The following SLC30A10 variants were observed in gnomAD, a reference collection of about 807,000 sequenced individuals.
SLC30A10 encodes solute carrier family 30 member 10, also known as calcium/manganese antiporter SLC30A10.
Under a neutral mutation model 21.7 loss-of-function variants are expected in SLC30A10, and 8 were observed. The ratio of observed to expected loss-of-function variants is 0.37; its 90% confidence interval spans 0.22 to 0.67. The LOEUF (loss-of-function observed/expected upper bound fraction) is 0.67. Among genes scored for constraint, SLC30A10 ranks in the 30% least tolerant of loss-of-function variants. SLC30A10 has a pLI of 0.58. For missense variants in SLC30A10, 521 were observed against 642.5 expected (o/e 0.81, Z 2.04); for synonymous variants, 272 against 279.4 (o/e 0.97, Z 0.26).
intron 3 of SLC30A10, among the ~76,000 whole-genome samples, chr1:219,917,509 C>T (rs889329511): frequency 1.3e-5 from 2 of 152,114 alleles, no homozygotes; most frequent in African/African-American, 4.8e-5. Context: ...TTGTGAGAGA[C>T]ACAGTGACTT....
At chr1:219,920,046 T>TG (rs1659641747) in intron 2 of SLC30A10, among the ~76,000 whole-genome samples, 1 of 152,108 alleles carries the variant, frequency 6.6e-6, no homozygotes, top group Admixed American at 6.5e-5. Context: ...ATAGGTAAAA[T>TG]GGCATGTGAA....
At chr1:219,936,262 A>G (rs1429520726) in intron 1 of SLC30A10, among the ~76,000 whole-genome samples, 1 of 152,252 alleles carries the variant, frequency 6.6e-6, no homozygotes, top group East Asian at 1.9e-4. Flanking sequence ...TGATTTGAAT[A>G]TCAAATAAGA....
intron 1 of SLC30A10, among the ~76,000 whole-genome samples, chr1:219,938,529 C>A (rs1287523454): frequency 6.6e-6 from 1 of 152,194 alleles, no homozygotes; most frequent in African/African-American, 2.4e-5. Flanking sequence ...CTAACTGGGG[C>A]AGGTTTTGCC....
At chr1:219,958,419 C>T (rs980511816) in intron 1 of SLC30A10, 5 of 152,382 alleles carry the variant, frequency 3.3e-5, no homozygotes, top group African/African-American at 1.2e-4. Context: ...AAAGGCAACT[C>T]TTCTGAGAAA....
At chr1:219,943,933 AC>A (rs1365586031) in intron 1 of SLC30A10, among the ~76,000 whole-genome samples, 1 of 151,858 alleles carries the variant, frequency 6.6e-6, no homozygotes, top group Non-Finnish European at 1.5e-5. Flanking sequence ...CCCCGTCTCT[AC>A]TAAAAAATAT....
intron 1 of SLC30A10, among the ~76,000 whole-genome samples, chr1:219,944,402 C>CGT (rs753819166): frequency 2.7e-4 from 21 of 78,608 alleles, no homozygotes; most frequent in Non-Finnish European, 5.6e-4. Flanking sequence ...GAGCCGAGAT[C>CGT]GCGCCACTGC....
chr1:219,942,951 A>T (rs1397981206), intron 1 of SLC30A10, among the ~76,000 whole-genome samples: 1 of 152,194 alleles, frequency 6.6e-6, no homozygotes, highest in Admixed American at 6.5e-5. Context: ...ATGCTGAGGC[A>T]CAAGGATCAC....
chr1:219,954,437 T>C (rs1660316037), intron 1 of SLC30A10, among the ~76,000 whole-genome samples: 1 of 151,994 alleles, frequency 6.6e-6, no homozygotes, highest in Non-Finnish European at 1.5e-5. Context: ...CCCAGCACTT[T>C]GGGAGGCTGA....
At chr1:219,937,116 G>A (rs1660055346) in intron 1 of SLC30A10, among the ~76,000 whole-genome samples, 1 of 152,158 alleles carries the variant, frequency 6.6e-6, no homozygotes, top group African/African-American at 2.4e-5. Flanking sequence ...TAGATTAGAT[G>A]GGTATGAAAT....
Position 219,911,306 on chromosome 1 carries a change from GA to G in SLC30A10, c.*4142del, listed in dbSNP as rs915551465. On this transcript the variant is annotated 3_prime_UTR_variant, in exon 4 of 4. Transcript: ENST00000366926. Reference sequence around the variant, plus strand: ...GATAAAATTAGCCATAAATGATAAAGATTTTTTTAACATCTGAACTTGTCAT... The same window carrying G: ...GATAAAATTAGCCATAAATGATAAAGTTTTTTTAACATCTGAACTTGTCAT... Among the ~76,000 whole-genome samples, 2 of 151,804 alleles carry G rather than the reference GA, an allele frequency of 1.3e-5. No homozygotes were observed. The highest frequency in any genetic ancestry group is 2.4e-5 in the African/African-American group (1 of 41,346).
chr1:219,913,464 T>G lies in SLC30A10; in HGVS notation c.*1985A>C, dbSNP rs1273043274. The G allele has an allele frequency of 6.6e-6, 1 of 152,238 alleles. No homozygotes were observed. Among genetic ancestry groups the G allele is most frequent in the Non-Finnish European group, 1.5e-5 (1 of 68,032 alleles). The allele number at this position is 152,238 out of a possible 1,614,324, so 9.4% of individuals were successfully genotyped here. ...CCCTTTTAATAAAGGCAGAATGATG[T>G]GAAATCAAATTAGACCTTCAAATTT... On this transcript the variant is annotated 3_prime_UTR_variant, in exon 4 of 4. Transcript: ENST00000366926.
At chr1:219,957,057 T>A (rs1660363686) in intron 1 of SLC30A10, among the ~76,000 whole-genome samples, 1 of 152,222 alleles carries the variant, frequency 6.6e-6, no homozygotes, top group African/African-American at 2.4e-5. Context: ...TTGTCTTATA[T>A]GAAATATGTG....
At chr1:219,931,274 G>A (rs1659966027), upstream of SLC30A10, among the ~76,000 whole-genome samples, 2 of 152,202 alleles carry the variant, frequency 1.3e-5, no homozygotes, top group South Asian at 4.1e-4. Context: ...GAGTGCAGTG[G>A]ATGGAACCAT....
intron 2 of SLC30A10, among the ~76,000 whole-genome samples, chr1:219,925,490 C>T (rs752969346): frequency 6.7e-5 from 10 of 150,254 alleles, no homozygotes; most frequent in Non-Finnish European, 1.0e-4. Context: ...GCAGAGATGG[C>T]GCCACTGCAC....
rs1394309847 is a variant in SLC30A10, at chr1:219,947,965, T to C, written n.80+10603A>G. Among the ~76,000 whole-genome samples, 12 of 151,638 alleles carry C rather than the reference T, an allele frequency of 7.9e-5. No individual in the cohort carries two copies. The South Asian group carries it at 2.1e-3, about 26-fold the overall frequency. On this transcript the variant is annotated intron_variant and non_coding_transcript_variant, in intron 1 of 8. Transcript: ENST00000484239. The stretch of plus-strand genomic sequence containing the variant: ...AATCACAAGCATTCTTATACACCAA[T>C]AACAGACAAACAGAGAGCCAAATCA...
upstream of SLC30A10, among the ~76,000 whole-genome samples, chr1:219,958,961 G>A (rs148996988): frequency 6.2e-3 from 938 of 152,308 alleles, 13 homozygotes; most frequent in African/African-American, 0.021. Context: ...ACAAAGAGGA[G>A]GATGCTAACG....
Position 219,928,405 on chromosome 1 carries a change from G to A in SLC30A10, c.36C>T (p.Leu12=). The A allele has an allele frequency of 6.2e-7, 1 of 1,613,094 alleles. No individual in the cohort carries two copies. ...AGGCGACGGTGAGCACCAGCATGAA[G>A]AGCAGCCGGCACGTCTTGCCAGAGT... The part of the protein sequence containing the change: ...GRYSGKTCRL[L]FMLVLTVAFF... The change falls in exon 1 of 4, where the codon CTC becomes CTT. Residue 12 remains leucine (L), a synonymous_variant. Coordinates refer to ENST00000366926, the MANE Select transcript of SLC30A10 (RefSeq NM_018713.3). This position sits in a 1 kb window ranked among gnomAD's most constrained non-coding sequence, Gnocchi z 6.3.
chr1:219,954,569 A>G (rs949453777), intron 1 of SLC30A10, among the ~76,000 whole-genome samples: 4 of 150,448 alleles, frequency 2.7e-5, no homozygotes, highest in African/African-American at 9.7e-5. Flanking sequence ...AATCCCAGTT[A>G]CTTGGGAGGC....
chr1:219,945,744 A>AT (rs1188414359), intron 1 of SLC30A10, among the ~76,000 whole-genome samples: 1 of 152,216 alleles, frequency 6.6e-6, no homozygotes, highest in African/African-American at 2.4e-5. Flanking sequence ...CCCAGATGGG[A>AT]TTTTTTAAAA....
Sources: gnomAD v4.1 joint callset for allele counts (sites outside exome capture counted in the v4.1 genomes callset) on GRCh38, gnomAD v4.1.1 for gene constraint, Gnocchi (gnomAD v3.1) non-coding constraint, MANE v1.5 for transcripts, NCBI Gene and HGNC (gene_info 2026-07-23, HGNC 2026-07-21) for gene names.